The following ANO5 variants were observed in gnomAD, a reference collection of about 807,000 sequenced individuals.
ANO5 encodes the protein anoctamin-5.
In ANO5, 109 loss-of-function variants were observed where a neutral mutation model predicts 121.0. That is an observed-to-expected ratio of 0.90 (90% CI 0.77 to 1.06). ANO5 has a LOEUF of 1.06. ANO5 is among the 50% of genes least tolerant of loss of function. The pLI is 0.00. For synonymous variants in ANO5, 406 were observed against 359.9 expected, an observed-to-expected ratio of 1.13 and a Z score of -1.45; for missense variants, 1,064 against 1,078.5, an observed-to-expected ratio of 0.99 and a Z score of 0.19.
At chr11:22,220,465 C>T (rs1376378766) in intron 4 of ANO5, among the ~76,000 whole-genome samples, 2 of 141,666 alleles carry the variant, frequency 1.4e-5, no homozygotes, top group African/African-American at 5.1e-5. Context: ...AATTATTATA[C>T]TGAGATAATT....
At position 22,227,349 on chromosome 11, in the gene ANO5, G is replaced by A. The variant is rs1022005312; in HGVS notation, c.411G>A (p.Trp137Ter). 4 of 1,613,308 alleles carry A rather than the reference G, an allele frequency of 2.5e-6. No homozygotes were observed. The South Asian group carries it at 4.4e-5, about 18-fold the overall frequency. ...RTYFVKIHAP[W>*]EVLVTYAEVL... Reference sequence around the variant, plus strand: ...ATTTTGTCAAGATCCATGCCCCTTGGGAGGTATTAGTTACCTATGCTGAAG... The same window carrying A: ...ATTTTGTCAAGATCCATGCCCCTTGAGAGGTATTAGTTACCTATGCTGAAG... The change falls in exon 7 of 22, where the codon TGG becomes TGA. Residue 137 changes from tryptophan (W) to a stop codon, truncating the protein, a stop_gained. Coordinates refer to ENST00000324559, the MANE Select transcript of ANO5 (RefSeq NM_213599.3). LOFTEE classifies it high-confidence loss of function.
At chr11:22,193,665 G>C in intron 1 of ANO5, 133 bp downstream of exon 1, 1 of 1,197,166 alleles carries the variant, frequency 8.4e-7, no homozygotes, top group Non-Finnish European at 1.2e-6. Context: ...TGCGTGGCGT[G>C]CTCAGCGCGA....
At chr11:22,250,625 G>T in intron 10 of ANO5, 116 bp from the exon 11 acceptor site, 3 of 1,137,478 alleles carry the variant, frequency 2.6e-6, no homozygotes, top group East Asian at 2.5e-5. Context: ...ATTGCTGCTT[G>T]ATTGCCCCTT....
chr11:22,218,292 A>C lies in ANO5; in HGVS notation c.180+5A>C. On this transcript the variant is annotated splice_donor_5th_base_variant and intron_variant, in intron 4 of 21. Transcript: ENST00000324559. ...TTCCTGAGGCGGCGGCTTATGGTAA[A>C]ACCAGTGCTGAATGATGCTGCTTAT... The C allele has an allele frequency of 6.2e-7, 1 of 1,613,334 alleles. No homozygotes were observed. The highest frequency in any genetic ancestry group is 8.5e-7 in the Non-Finnish European group (1 of 1,179,628).
At chr11:22,235,298 C>T (rs1317921105) in intron 7 of ANO5, among the ~76,000 whole-genome samples, 2 of 151,654 alleles carry the variant, frequency 1.3e-5, no homozygotes, top group Non-Finnish European at 2.9e-5. Context: ...AGGAAATAAT[C>T]TAAAATATGT....
chr11:22,233,902 G>A (rs186160048), intron 7 of ANO5, among the ~76,000 whole-genome samples: 1 of 152,170 alleles, frequency 6.6e-6, no homozygotes. Flanking sequence ...CTCTTGATTT[G>A]TCTGCTTTTG....
intron 7 of ANO5, among the ~76,000 whole-genome samples, chr11:22,234,943 G>A (rs1459991209): frequency 2.0e-5 from 3 of 151,958 alleles, no homozygotes; most frequent in Non-Finnish European, 4.4e-5. Context: ...CCCTCAACTT[G>A]AGCCAGTATT....
intron 3 of ANO5, among the ~76,000 whole-genome samples, chr11:22,215,422 G>A (rs1852407289): frequency 6.6e-6 from 1 of 151,878 alleles, no homozygotes; most frequent in Non-Finnish European, 1.5e-5. Context: ...CCAGTTTCAT[G>A]GCTTTAAATA....
intron 5 of ANO5, 76 bp downstream of exon 5, chr11:22,221,286 ATTATGTT>A: frequency 7.9e-7 from 1 of 1,265,876 alleles, no homozygotes; most frequent in Non-Finnish European, 1.1e-6. Flanking sequence ...TCTGGATTGA[ATTATGTT>A]GTAAAAGTGA....
At position 22,263,018 on chromosome 11, in the gene ANO5, G is replaced by T; in HGVS notation, c.1873G>T (p.Gly625Ter). ...TIIMTGKQIF[G>*]NIKEAIYPLA... Reference sequence around the variant, plus strand: ...TATAATGACCGGGAAACAGATTTTTGGAAACATTAAAGAAGCCATTTATCC... The same window carrying T: ...TATAATGACCGGGAAACAGATTTTTTGAAACATTAAAGAAGCCATTTATCC... Residue 625 changes from glycine to a stop codon, truncating the protein, a stop_gained, in exon 17 of 22, where the codon GGA (glycine) becomes TGA (stop). Coordinates refer to ENST00000324559, the MANE Select transcript of ANO5 (RefSeq NM_213599.3). LOFTEE classifies it high-confidence loss of function. The T allele has an allele frequency of 6.2e-7, 1 of 1,613,032 alleles. No homozygotes were observed. The highest frequency in any genetic ancestry group is 8.5e-7 in the Non-Finnish European group (1 of 1,179,326).
At position 22,221,192 on chromosome 11, in the gene ANO5, A is replaced by G. The variant is rs201678262; in HGVS notation, c.276A>G (p.Lys92=). Residue 92 remains lysine (K), a synonymous_variant, in exon 5 of 22, where the codon AAA becomes AAG. Transcript: ENST00000324559. ...FVLSYVDDVK[K]DAELKAERRK... is the part of the protein sequence containing the mutation. The stretch of plus-strand genomic sequence containing the variant: ...TTTCCTACGTTGATGATGTAAAGAA[A>G]GACGCAGAGTTAAAGGCGGTAAGTG... 95 of 1,609,458 alleles carry G rather than the reference A, an allele frequency of 5.9e-5. No homozygotes were observed. The highest frequency in any genetic ancestry group is 7.8e-5 in the Non-Finnish European group (92 of 1,176,626).
chr11:22,234,393 A>C (rs1163403152), intron 7 of ANO5, among the ~76,000 whole-genome samples: 2 of 152,038 alleles, frequency 1.3e-5, no homozygotes, highest in Non-Finnish European at 2.9e-5. Context: ...CTTTTGGTAA[A>C]GCATCAGTGA....
chr11:22,256,725 GT>G (rs975602443), intron 13 of ANO5, among the ~76,000 whole-genome samples: 4 of 143,002 alleles, frequency 2.8e-5, no homozygotes, highest in Non-Finnish European at 4.4e-5. Context: ...ATGAAACAGA[GT>G]TTTTTTTTGT....
intron 18 of ANO5, among the ~76,000 whole-genome samples, chr11:22,271,877 C>T (rs1177177403): frequency 1.3e-5 from 2 of 151,866 alleles, no homozygotes; most frequent in Non-Finnish European, 2.9e-5. Flanking sequence ...TTTTCTACCT[C>T]GTAGGTTAGG....
intron 15 of ANO5, among the ~76,000 whole-genome samples, chr11:22,259,989 A>G (rs1391590227): frequency 2.8e-4 from 43 of 151,200 alleles, no homozygotes; most frequent in Admixed American, 2.7e-3. Context: ...TATCTTTCTC[A>G]GTATCCTTGT....
At position 22,193,479 on chromosome 11, in the gene ANO5, A is replaced by G. The variant is rs1851713540; in HGVS notation, c.-14A>G. ...TGCCTCTCAGGCACCAGTGCCATTAACGAGCTGGCGAAGATGGGCGACCCG... is the reference window on the plus strand; with the variant it reads ...TGCCTCTCAGGCACCAGTGCCATTAGCGAGCTGGCGAAGATGGGCGACCCG... On this transcript the variant is annotated 5_prime_UTR_variant, in exon 1 of 22. Transcript: ENST00000324559. The G allele has an allele frequency of 6.2e-7, 1 of 1,611,586 alleles. No homozygotes were observed. Among genetic ancestry groups the G allele is most frequent in the African/African-American group, 1.3e-5 (1 of 75,024 alleles).
At position 22,227,717 on chromosome 11, in the gene ANO5, A is replaced by G. The variant is rs977088693; in HGVS notation, c.648+131A>G. On this transcript the variant is annotated intron_variant, in intron 7 of 21. Transcript: ENST00000324559. ...GTATAGGATATAAGCATTTGGTGAT[A>G]TTGGGGAGTTTGAAAGTCTAATTAG... The G allele has an allele frequency of 3.4e-6, 4 of 1,173,634 alleles. No homozygotes were observed. In the African/African-American group the frequency reaches 6.1e-5, roughly 18 times the overall value. 72.7% of individuals were successfully genotyped at this position (1,173,634 alleles called of 1,614,324 possible). A position where few individuals can be genotyped will look rare whatever the true frequency, so the allele number is the denominator to read the frequency against.
At position 22,262,180 on chromosome 11, in the gene ANO5, T is replaced by A; in HGVS notation, c.1682T>A (p.Phe561Tyr). ...GAGAGCAGTCTTACCTTGAAAATGT[T>A]CCTGTTTCAGTTTGTAAATTTTTAC... ...EYESSLTLKM[F>Y]LFQFVNFYSS... The change falls in exon 16 of 22, where the codon TTC becomes TAC. Residue 561 changes from phenylalanine (F) to tyrosine (Y), a missense_variant. Transcript: ENST00000324559. The A allele has an allele frequency of 6.2e-7, 1 of 1,613,996 alleles. No homozygotes were observed. The highest frequency in any genetic ancestry group is 1.3e-5 in the African/African-American group (1 of 75,054).
intron 1 of ANO5, among the ~76,000 whole-genome samples, chr11:22,194,832 T>G (rs757583694): frequency 5.9e-5 from 9 of 152,248 alleles, no homozygotes; most frequent in Non-Finnish European, 1.3e-4. Context: ...TATCCATTCA[T>G]CGATGGTAGG....
Sources: gnomAD v4.1 joint callset for allele counts (sites outside exome capture counted in the v4.1 genomes callset) on GRCh38, gnomAD v4.1.1 for gene constraint, MANE v1.5 for transcripts, NCBI Gene and HGNC (gene_info 2026-07-23, HGNC 2026-07-21) for gene names.